Variants in CELF4 observed in about 807,000 individuals in gnomAD.
The protein encoded by CELF4 is CUGBP Elav-like family member 4.
Under a neutral mutation model 59.9 loss-of-function variants are expected in CELF4, and 18 were observed. That is an observed-to-expected ratio of 0.30 (90% confidence interval 0.21 to 0.45). The LOEUF (loss-of-function observed/expected upper bound fraction) is 0.45. CELF4 is among the 20% of genes least tolerant of loss of function. The pLI, the probability that CELF4 is intolerant of heterozygous loss-of-function variation, is 1.00. For synonymous variants in CELF4, 261 were observed against 267.1 expected, an observed-to-expected ratio of 0.98 and a Z score of 0.22; for missense variants, 456 against 689.0, an observed-to-expected ratio of 0.66 and a Z score of 3.79.
chr18:37,460,035 T>G (rs976121843), intron 2 of CELF4, among the ~76,000 whole-genome samples: 1 of 152,208 alleles, frequency 6.6e-6, no homozygotes, highest in Non-Finnish European at 1.5e-5. Flanking sequence ...GTTCAAATTC[T>G]GAATGGATGG....
At chr18:37,251,450 G>T (rs550830947) in intron 12 of CELF4, among the ~76,000 whole-genome samples, 2 of 152,252 alleles carry the variant, frequency 1.3e-5, no homozygotes, top group African/African-American at 4.8e-5. Context: ...TAACCTAGAG[G>T]TTTTATCCTG....
At chr18:37,440,753 C>T (rs371070894) in intron 2 of CELF4, among the ~76,000 whole-genome samples, 158 of 152,148 alleles carry the variant, frequency 1.0e-3, no homozygotes, top group African/African-American at 3.6e-3. Context: ...ACCTATTTAC[C>T]CCTTGCAATC....
intron 2 of CELF4, among the ~76,000 whole-genome samples, chr18:37,442,575 G>T (rs1447102152): frequency 6.6e-6 from 1 of 152,188 alleles, no homozygotes; most frequent in East Asian, 1.9e-4. Context: ...AGGGGGCTTG[G>T]CCCAAACAGC....
chr18:37,259,016 G>T, intron 11 of CELF4, 165 bp downstream of exon 11: 1 of 992,336 alleles, frequency 1.0e-6, no homozygotes. Flanking sequence ...CAGCTGGGGC[G>T]GGGGCAATGT....
chr18:37,430,452 C>T (rs955656579), intron 2 of CELF4, among the ~76,000 whole-genome samples: 8 of 152,166 alleles, frequency 5.3e-5, no homozygotes, highest in Admixed American at 3.9e-4. Context: ...CCCTCCACCC[C>T]CACTCCACAC....
At chr18:37,521,297 C>A (rs1235456266) in intron 1 of CELF4, among the ~76,000 whole-genome samples, 1 of 152,122 alleles carries the variant, frequency 6.6e-6, no homozygotes, top group African/African-American at 2.4e-5. Flanking sequence ...CAAATTAGCA[C>A]GTATGGAGAA....
At chr18:37,332,736 G>A (rs565344333) in intron 2 of CELF4, among the ~76,000 whole-genome samples, 7 of 152,328 alleles carry the variant, frequency 4.6e-5, no homozygotes, top group Non-Finnish European at 7.4e-5. Flanking sequence ...AGCTTCCAGC[G>A]CGTGGCAGGT....
chr18:37,538,317 CCAA>C (rs1485047258), intron 1 of CELF4, among the ~76,000 whole-genome samples: 2 of 152,224 alleles, frequency 1.3e-5, no homozygotes, highest in African/African-American at 4.8e-5. Context: ...GGCAAGCTGT[CCAA>C]CCTCTCTGGA....
chr18:37,504,984 G>A (rs895849623), intron 1 of CELF4, among the ~76,000 whole-genome samples: 1 of 152,232 alleles, frequency 6.6e-6, no homozygotes, highest in African/African-American at 2.4e-5. Flanking sequence ...AAGGCCAAGA[G>A]GAGTCCTAGG....
intron 2 of CELF4, among the ~76,000 whole-genome samples, chr18:37,363,840 C>T (rs1287680590): frequency 6.6e-6 from 1 of 152,204 alleles, no homozygotes; most frequent in Non-Finnish European, 1.5e-5. Context: ...CTGCCCCACT[C>T]CAGCCCCTGT....
At chr18:37,550,694 GGTGGA>G (rs1264332941) in intron 1 of CELF4, among the ~76,000 whole-genome samples, 1 of 152,252 alleles carries the variant, frequency 6.6e-6, no homozygotes, top group African/African-American at 2.4e-5. Context: ...CAGCAGGGGA[GGTGGA>G]GTTCTGCCTG....
intron 1 of CELF4, among the ~76,000 whole-genome samples, chr18:37,531,249 C>T (rs187747784): frequency 1.9e-4 from 29 of 152,252 alleles, no homozygotes; most frequent in African/African-American, 6.7e-4. Context: ...CTGGGGCCCC[C>T]CTCCAGCTAC....
intron 2 of CELF4, among the ~76,000 whole-genome samples, chr18:37,430,409 T>A (rs550227104): frequency 1.3e-5 from 2 of 152,318 alleles, no homozygotes; most frequent in East Asian, 3.9e-4. Context: ...GTGCCTCATA[T>A]AAATGCAAAT....
intron 11 of CELF4, among the ~76,000 whole-genome samples, chr18:37,256,067 A>C (rs1045034334): frequency 1.3e-5 from 2 of 152,210 alleles, no homozygotes; most frequent in Non-Finnish European, 2.9e-5. Flanking sequence ...CCTCCCCTGC[A>C]GACTGGAGGC....
intron 2 of CELF4, among the ~76,000 whole-genome samples, chr18:37,455,028 T>G (rs2852372): frequency 1 from 152,188 of 152,324 alleles, 76,026 homozygotes; most frequent in Middle Eastern, 1. Context: ...GGATGCCCAG[T>G]CTGTGCATTG....
At chr18:37,353,035 C>A (rs532399143) in intron 2 of CELF4, among the ~76,000 whole-genome samples, 1 of 152,056 alleles carries the variant, frequency 6.6e-6, no homozygotes, top group South Asian at 2.1e-4. Flanking sequence ...TCCTGGCTAA[C>A]ACGGTGAAAC....
chr18:37,500,459 T>A (rs932050728), intron 1 of CELF4, among the ~76,000 whole-genome samples: 1 of 152,108 alleles, frequency 6.6e-6, no homozygotes, highest in Non-Finnish European at 1.5e-5. Context: ...TGCAGCTGAG[T>A]ACATCTTGTC....
chr18:37,481,270 C>T (rs1226767883), intron 2 of CELF4, among the ~76,000 whole-genome samples: 1 of 152,156 alleles, frequency 6.6e-6, no homozygotes, highest in Non-Finnish European at 1.5e-5. Context: ...ACTTCCCCCA[C>T]CCCCATCCCT....
chr18:37,430,353 A>C (rs1222058223), intron 2 of CELF4, among the ~76,000 whole-genome samples: 2 of 152,246 alleles, frequency 1.3e-5, no homozygotes, highest in Non-Finnish European at 2.9e-5. Flanking sequence ...TAAATTATGT[A>C]TACACAGAGT....
Sources: allele counts gnomAD v4.1 joint callset (sites outside exome capture counted in the v4.1 genomes callset), GRCh38; gene constraint gnomAD v4.1.1; transcripts MANE v1.5; gene names NCBI Gene and HGNC (gene_info 2026-07-23, HGNC 2026-07-21).